Variants in WWC2 observed in about 807,000 individuals in gnomAD.
WWC2 encodes WW and C2 domain containing 2, also known as protein WWC2.
In WWC2, 101 loss-of-function variants were observed where a neutral mutation model predicts 138.5. The ratio of observed to expected loss-of-function variants is 0.73; its 90% CI spans 0.62 to 0.86. WWC2 has a LOEUF of 0.86. Among genes scored for constraint, WWC2 ranks in the 40% least tolerant of loss-of-function variants. WWC2 has a pLI of 0.00. For synonymous variants in WWC2, 558 were observed against 538.4 expected, an observed-to-expected ratio of 1.04 and a Z score of -0.50; for missense variants, 1,420 against 1,419.4, an observed-to-expected ratio of 1.00 and a Z score of -0.01.
chr4:183,300,569 T>A (rs979554636), intron 21 of WWC2, among the ~76,000 whole-genome samples: 11 of 152,120 alleles, frequency 7.2e-5, no homozygotes, highest in African/African-American at 2.7e-4. Context: ...CCTACAAAAT[T>A]GTTTGGTATT....
At chr4:183,230,793 GTAAGAA>G (rs1226343504) in intron 4 of WWC2, among the ~76,000 whole-genome samples, 1 of 151,300 alleles carries the variant, frequency 6.6e-6, no homozygotes, top group African/African-American at 2.5e-5. Flanking sequence ...TGACTCAAAA[GTAAGAA>G]GAGAAAATGA....
At chr4:183,154,347 C>T (rs1200463389) in intron 1 of WWC2, among the ~76,000 whole-genome samples, 2 of 152,110 alleles carry the variant, frequency 1.3e-5, no homozygotes, top group East Asian at 3.9e-4. Flanking sequence ...TATGAGCATC[C>T]AGCGATACCT....
At chr4:183,177,480 A>G (rs1188086260) in intron 1 of WWC2, among the ~76,000 whole-genome samples, 1 of 152,204 alleles carries the variant, frequency 6.6e-6, no homozygotes, top group Non-Finnish European at 1.5e-5. Flanking sequence ...AAAGAAATCA[A>G]AGAAGGAAAT....
intron 21 of WWC2, among the ~76,000 whole-genome samples, chr4:183,303,434 G>A (rs1216725495): frequency 6.6e-6 from 1 of 152,162 alleles, no homozygotes; most frequent in East Asian, 1.9e-4. Context: ...TAACTAGGCA[G>A]CCTCTTAGCA....
chr4:183,221,445 C>T (rs7683829), intron 4 of WWC2, among the ~76,000 whole-genome samples: 11,320 of 152,160 alleles, frequency 0.074, 1,416 homozygotes, highest in African/African-American at 0.26. Context: ...AAATAGAACA[C>T]ACCATTTAAA....
chr4:183,298,340 T>C (rs568897941), intron 21 of WWC2, among the ~76,000 whole-genome samples: 2 of 152,196 alleles, frequency 1.3e-5, no homozygotes, highest in Non-Finnish European at 2.9e-5. Context: ...ATATACAAAA[T>C]GCTGTCTTTT....
chr4:183,214,432 A>T (rs1735690642), intron 4 of WWC2, among the ~76,000 whole-genome samples: 1 of 152,200 alleles, frequency 6.6e-6, no homozygotes, highest in Non-Finnish European at 1.5e-5. Context: ...TAATGTGCAC[A>T]TCAAAATATG....
intron 1 of WWC2, among the ~76,000 whole-genome samples, chr4:183,122,119 A>G (rs1287728577): frequency 6.6e-6 from 1 of 152,074 alleles, no homozygotes; most frequent in African/African-American, 2.4e-5. Flanking sequence ...TAGATTTCAT[A>G]TTCTTTGCTC....
intron 2 of WWC2, among the ~76,000 whole-genome samples, chr4:183,199,697 AT>A (rs1429385919): frequency 6.6e-6 from 1 of 152,176 alleles, no homozygotes; most frequent in African/African-American, 2.4e-5. Context: ...GACAAAAAAA[AT>A]CTTCTTTGAA....
Position 183,282,905 on chromosome 4 carries a change from T to G in WWC2, c.2882T>G (p.Leu961Arg). 6.3e-7 allele frequency: 1 copy of G among 1,575,084 alleles called. No homozygotes were observed. Among genetic ancestry groups the G allele is most frequent in the Non-Finnish European group, 8.6e-7 (1 of 1,159,878 alleles). The change falls in exon 18 of 23, where the codon CTG (leucine) becomes CGG (arginine). Residue 961 changes from leucine to arginine, a missense_variant and splice_region_variant. By Grantham distance (102) the Leu-to-Arg change is moderately radical. Coordinates refer to ENST00000403733, the MANE Select transcript of WWC2 (RefSeq NM_024949.6). Reference sequence around the variant, plus strand: ...CAGCCACCTACTAGAATACCAACACTGGTGACTATTCCGCTGTGCTGTCTT... The same window carrying G: ...CAGCCACCTACTAGAATACCAACACGGGTGACTATTCCGCTGTGCTGTCTT... ...RSQPPTRIPT[L>R]VDKETNTDEA...
At chr4:183,312,507 C>T in intron 22 of WWC2, 39 bp downstream of exon 22, 1 of 1,610,618 alleles carries the variant, frequency 6.2e-7, no homozygotes, top group Non-Finnish European at 8.5e-7. Flanking sequence ...GGGTTGCCCT[C>T]ACGGGGTCTG....
chr4:183,166,580 G>C (rs909544981), intron 1 of WWC2, among the ~76,000 whole-genome samples: 1 of 152,096 alleles, frequency 6.6e-6, no homozygotes, highest in Admixed American at 6.6e-5. Flanking sequence ...GCTTCAGCAG[G>C]GCCATGAGAA....
At chr4:183,248,070 C>T (rs1390790620) in intron 6 of WWC2, among the ~76,000 whole-genome samples, 1 of 151,968 alleles carries the variant, frequency 6.6e-6, no homozygotes, top group Non-Finnish European at 1.5e-5. Flanking sequence ...TTTATTAAAC[C>T]TGAGTGCCCA....
At chr4:183,221,666 G>C (rs1735940228) in intron 4 of WWC2, among the ~76,000 whole-genome samples, 1 of 152,116 alleles carries the variant, frequency 6.6e-6, no homozygotes, top group Non-Finnish European at 1.5e-5. Flanking sequence ...CCAAAGAAGA[G>C]AGCTCATGAG....
intron 21 of WWC2, among the ~76,000 whole-genome samples, chr4:183,293,552 T>A (rs1246721447): frequency 6.6e-6 from 1 of 152,186 alleles, no homozygotes; most frequent in South Asian, 2.1e-4. Context: ...TTCTTTAAAA[T>A]CAAACACAAG....
chr4:183,147,676 A>G (rs1733500660), intron 1 of WWC2, among the ~76,000 whole-genome samples: 1 of 152,224 alleles, frequency 6.6e-6, no homozygotes, highest in African/African-American at 2.4e-5. Flanking sequence ...ATGTTACAGA[A>G]CTTTCTGGCC....
intron 14 of WWC2, among the ~76,000 whole-genome samples, chr4:183,266,320 G>A (rs1737501725): frequency 6.6e-6 from 1 of 152,170 alleles, no homozygotes; most frequent in Non-Finnish European, 1.5e-5. Flanking sequence ...AAAATGTAGT[G>A]ATTAAATTTT....
intron 20 of WWC2, 129 bp from the exon 21 acceptor site, chr4:183,289,264 C>T: frequency 1.4e-6 from 2 of 1,387,638 alleles, no homozygotes; most frequent in Non-Finnish European, 1.9e-6. Context: ...GCGAGTTGCT[C>T]CTGCCCCTTA....
At chr4:183,125,914 A>T (rs1237875567) in intron 1 of WWC2, among the ~76,000 whole-genome samples, 3 of 152,306 alleles carry the variant, frequency 2.0e-5, no homozygotes, top group East Asian at 3.9e-4. Flanking sequence ...GGCCTTGTTC[A>T]TGTCCACGGC....
Sources: allele counts gnomAD v4.1 joint callset (sites outside exome capture counted in the v4.1 genomes callset), GRCh38; gene constraint gnomAD v4.1.1; transcripts MANE v1.5; gene names NCBI Gene and HGNC (gene_info 2026-07-23, HGNC 2026-07-21).